Variants in C2orf49 observed in about 807,000 individuals in gnomAD.
C2orf49 encodes tRNA splicing ligase complex subunit 2, also known as tRNA-splicing ligase complex subunit ASW.
In C2orf49, 11 loss-of-function variants were observed where a neutral mutation model predicts 20.6. The ratio of observed to expected loss-of-function variants is 0.53; its 90% CI spans 0.34 to 0.88. The LOEUF is 0.88. C2orf49 is among the 40% of genes least tolerant of loss of function. The probability of loss-of-function intolerance (pLI) is 0.02; values close to 1 mark genes in which losing one functional copy is unlikely to be tolerated. For synonymous variants in C2orf49, 134 were observed against 108.5 expected (o/e 1.24, Z -1.46); for missense variants, 289 against 274.2 (o/e 1.05, Z -0.38).
chr2:105,382,946 C>T, the C2orf49 span, among the ~76,000 whole-genome samples: 3 of 152,244 alleles, frequency 2.0e-5, no homozygotes, highest in East Asian at 3.9e-4. Context: ...AGTACAGTGG[C>T]GCAATCTTGG....
chr2:105,384,199 C>T, the C2orf49 span, among the ~76,000 whole-genome samples: 8 of 152,332 alleles, frequency 5.3e-5, no homozygotes, highest in South Asian at 4.1e-4. Flanking sequence ...CTGAACCTCT[C>T]ACCTACGTAA....
chr2:105,361,542 A>G, the C2orf49 span: 1 of 947,378 alleles, frequency 1.1e-6, no homozygotes, highest in African/African-American at 1.7e-5. Flanking sequence ...ATTGTGTAAT[A>G]TGGATAATGT....
At chr2:105,352,297 A>G (rs977911669), downstream of C2orf49, among the ~76,000 whole-genome samples, 2 of 152,216 alleles carry the variant, frequency 1.3e-5, no homozygotes, top group African/African-American at 2.4e-5. Flanking sequence ...ATTAACAACA[A>G]CAAAATAAAT....
At chr2:105,342,621 C>A (rs1679700979) in intron 2 of C2orf49, among the ~76,000 whole-genome samples, 1 of 152,172 alleles carries the variant, frequency 6.6e-6, no homozygotes, top group Admixed American at 6.5e-5. Flanking sequence ...GTTGTGTATA[C>A]ATGAAAGCTA....
In C2orf49 at chr2:105,345,335, A is replaced by G; in HGVS notation, c.663A>G (p.Gln221=). The change falls in exon 4 of 4, where the codon CAA becomes CAG. Residue 221 remains glutamine (Q), a synonymous_variant. Transcript: ENST00000258457. Reference sequence around the variant, plus strand: ...TTCAGAATAACCTGAAGCCCCCACAAGCAAAAAGGAAGATACAACATGTTA... The same window carrying G: ...TTCAGAATAACCTGAAGCCCCCACAGGCAAAAAGGAAGATACAACATGTTA... ...AEAMNNLKPP[Q]AKRKIQHVTW... The G allele has an allele frequency of 6.2e-7, 1 of 1,613,492 alleles. No individual in the cohort carries two copies. The highest frequency in any genetic ancestry group is 8.5e-7 in the Non-Finnish European group (1 of 1,179,840).
the C2orf49 span, chr2:105,367,448 C>A: frequency 2.0e-6 from 2 of 989,348 alleles, no homozygotes; most frequent in East Asian, 4.9e-5. Flanking sequence ...GCAGGACAGG[C>A]ACAGCTCCCA....
chr2:105,343,575 T>G (rs1376712433), intron 3 of C2orf49, among the ~76,000 whole-genome samples: 1 of 152,226 alleles, frequency 6.6e-6, no homozygotes. Flanking sequence ...ATTAAGTAAT[T>G]TGTCCAGGGT....
intron 1 of C2orf49, among the ~76,000 whole-genome samples, chr2:105,337,971 T>C (rs2104442098): frequency 6.6e-6 from 1 of 152,296 alleles, no homozygotes; most frequent in Admixed American, 6.5e-5. Flanking sequence ...CCTGCCTGTG[T>C]GTAAGCCCCG....
the C2orf49 span, among the ~76,000 whole-genome samples, chr2:105,384,442 G>A: frequency 6.6e-6 from 1 of 152,182 alleles, no homozygotes; most frequent in Non-Finnish European, 1.5e-5. Context: ...GTACGAGTGC[G>A]AGTGCAAGGG....
the C2orf49 span, among the ~76,000 whole-genome samples, chr2:105,383,208 A>AATTT: frequency 6.6e-6 from 1 of 152,200 alleles, no homozygotes; most frequent in East Asian, 1.9e-4. Context: ...TAGTTGGTTG[A>AATTT]ATTTTTGAAG....
the C2orf49 span, among the ~76,000 whole-genome samples, chr2:105,383,609 G>A: frequency 2.0e-5 from 3 of 152,212 alleles, no homozygotes; most frequent in Non-Finnish European, 4.4e-5. Context: ...TTAGAGGGAA[G>A]TAGCTGAGGC....
the C2orf49 span, chr2:105,359,267 A>G: frequency 2.6e-5 from 4 of 152,226 alleles, no homozygotes; most frequent in Admixed American, 6.5e-5. Flanking sequence ...GGAACAAGTA[A>G]GATGTTCCAA....
the C2orf49 span, among the ~76,000 whole-genome samples, chr2:105,377,305 T>G: frequency 6.6e-6 from 1 of 152,200 alleles, no homozygotes; most frequent in Non-Finnish European, 1.5e-5. Context: ...AGTGTGATGT[T>G]CTGTGTATTT....
chr2:105,376,535 T>C, the C2orf49 span: 2 of 152,240 alleles, frequency 1.3e-5, no homozygotes, highest in Admixed American at 1.3e-4. Context: ...ATGGAGATTT[T>C]ATTCATGTTA....
the C2orf49 span, among the ~76,000 whole-genome samples, chr2:105,365,437 T>C: frequency 9.2e-5 from 14 of 152,174 alleles, no homozygotes; most frequent in African/African-American, 3.4e-4. Context: ...ATGTGTTGCT[T>C]TCATTTCTGC....
In C2orf49 at chr2:105,337,641, C is replaced by T. The variant is rs1345465265; in HGVS notation, c.54C>T (p.His18=). 6 of 1,557,032 alleles carry T rather than the reference C, an allele frequency of 3.9e-6. No homozygotes were observed. In the African/African-American group the frequency reaches 4.2e-5, roughly 11 times the overall value. The change falls in exon 1 of 4, where the codon CAC becomes CAT. Residue 18 remains histidine, a synonymous_variant. Coordinates refer to ENST00000258457, the MANE Select transcript of C2orf49 (RefSeq NM_024093.3). ...GCACGGACTCGGAACTGCTGCTGCACCCGGAGCTGCTGTCCCAGGAGTTCC... is the reference window on the plus strand; with the variant it reads ...GCACGGACTCGGAACTGCTGCTGCATCCGGAGCTGCTGTCCCAGGAGTTCC... The part of the protein sequence containing the change: ...RSCTDSELLL[H]PELLSQEFLL...
At chr2:105,357,533 G>A in the C2orf49 span, among the ~76,000 whole-genome samples, 1 of 152,098 alleles carries the variant, frequency 6.6e-6, no homozygotes, top group Non-Finnish European at 1.5e-5. Context: ...CATATAAAAT[G>A]GCATAGAATT....
chr2:105,370,213 C>T, the C2orf49 span, among the ~76,000 whole-genome samples: 126 of 151,846 alleles, frequency 8.3e-4, no homozygotes, highest in Non-Finnish European at 1.4e-3. Context: ...TCTCTACCCC[C>T]CCAAAAAAAA....
At chr2:105,383,463 C>T in the C2orf49 span, among the ~76,000 whole-genome samples, 1 of 152,196 alleles carries the variant, frequency 6.6e-6, no homozygotes, top group East Asian at 1.9e-4. Context: ...TCAGTGGCTA[C>T]ATAGAGAGGA....
Sources: allele counts gnomAD v4.1 joint callset (sites outside exome capture counted in the v4.1 genomes callset), GRCh38; gene constraint gnomAD v4.1.1; transcripts MANE v1.5; gene names NCBI Gene and HGNC (gene_info 2026-07-23, HGNC 2026-07-21).